PDGFD: variants seen among roughly 807,000 people sequenced by gnomAD.
The protein encoded by PDGFD is platelet-derived growth factor D.
In PDGFD, 30 loss-of-function variants were observed where a neutral mutation model predicts 44.7. The observed-to-expected ratio is 0.67, with a 90% CI of 0.50 to 0.91. PDGFD has a LOEUF of 0.91. Among genes scored for constraint, PDGFD ranks in the 40% least tolerant of loss-of-function variants. The probability of loss-of-function intolerance (pLI) is 0.00; values close to 1 mark genes in which losing one functional copy is unlikely to be tolerated. For missense variants in PDGFD, 445 were observed against 457.8 expected, an observed-to-expected ratio of 0.97 and a Z score of 0.25; for synonymous variants, 173 against 168.4, an observed-to-expected ratio of 1.03 and a Z score of -0.21.
chr11:104,065,066 T>C (rs570213779), intron 1 of PDGFD, among the ~76,000 whole-genome samples: 3 of 152,260 alleles, frequency 2.0e-5, no homozygotes, highest in South Asian at 2.1e-4. Context: ...CAGAAGAACG[T>C]TGAGAGAATC....
chr11:104,000,395 A>C (rs1859602484), intron 1 of PDGFD, 140 bp from the exon 2 acceptor site: 1 of 732,432 alleles, frequency 1.4e-6, no homozygotes, highest in Non-Finnish European at 2.2e-6. Flanking sequence ...AATGCAAATA[A>C]ACAAACTTTT....
intron 3 of PDGFD, among the ~76,000 whole-genome samples, chr11:103,958,098 C>T (rs1473499514): frequency 3.3e-5 from 5 of 151,906 alleles, no homozygotes; most frequent in East Asian, 3.9e-4. Context: ...ACGCCTGCCA[C>T]TTATGGAGCA....
At chr11:104,061,797 G>A (rs531020213) in intron 1 of PDGFD, among the ~76,000 whole-genome samples, 3 of 152,086 alleles carry the variant, frequency 2.0e-5, no homozygotes, top group African/African-American at 4.8e-5. Flanking sequence ...TAGTAGAGAC[G>A]GGGCTTGGCC....
chr11:104,035,687 C>A (rs1860219765), intron 1 of PDGFD, among the ~76,000 whole-genome samples: 1 of 151,238 alleles, frequency 6.6e-6, no homozygotes, highest in Non-Finnish European at 1.5e-5. Context: ...GCTTCATATC[C>A]TGGTATTCAA....
At chr11:104,109,829 A>C (rs1246796029) in intron 1 of PDGFD, among the ~76,000 whole-genome samples, 1 of 152,150 alleles carries the variant, frequency 6.6e-6, no homozygotes, top group East Asian at 1.9e-4. Context: ...TTTTCAATAT[A>C]GCAGAGTGCA....
intron 5 of PDGFD, among the ~76,000 whole-genome samples, chr11:103,940,602 A>T (rs553761679): frequency 6.6e-6 from 1 of 152,244 alleles, no homozygotes; most frequent in African/African-American, 2.4e-5. Flanking sequence ...ACAAGCCATG[A>T]ATTTGTATTT....
intron 3 of PDGFD, among the ~76,000 whole-genome samples, chr11:103,976,747 T>G (rs1859191303): frequency 6.6e-6 from 1 of 151,582 alleles, no homozygotes; most frequent in South Asian, 2.1e-4. Context: ...TTATTGAGAG[T>G]TTTTAGCATG....
chr11:104,082,480 T>C (rs1195210506), intron 1 of PDGFD, among the ~76,000 whole-genome samples: 2 of 152,054 alleles, frequency 1.3e-5, no homozygotes, highest in Non-Finnish European at 2.9e-5. Flanking sequence ...ATTTTTTTCT[T>C]TATAGTTGGC....
chr11:103,911,771 A>G (rs573956740), intron 6 of PDGFD, among the ~76,000 whole-genome samples: 5 of 152,192 alleles, frequency 3.3e-5, no homozygotes, highest in Non-Finnish European at 4.4e-5. Flanking sequence ...TAATCAGTGT[A>G]GAGAAGAACA....
chr11:104,019,219 C>T (rs1023357082), intron 1 of PDGFD, among the ~76,000 whole-genome samples: 4 of 152,144 alleles, frequency 2.6e-5, no homozygotes, highest in Non-Finnish European at 1.5e-5. Flanking sequence ...TTGTTCAATA[C>T]TGTATGTCCA....
intron 1 of PDGFD, among the ~76,000 whole-genome samples, chr11:104,073,371 C>T (rs1438769856): frequency 3.9e-5 from 6 of 152,066 alleles, no homozygotes; most frequent in Admixed American, 3.9e-4. Context: ...AGCAGACAGT[C>T]TTCATGGTAT....
chr11:104,105,463 C>A (rs1350118044), intron 1 of PDGFD, among the ~76,000 whole-genome samples: 2 of 152,016 alleles, frequency 1.3e-5, no homozygotes, highest in South Asian at 2.1e-4. Context: ...AAAAAATAAA[C>A]CATGTTTACA....
chr11:104,146,872 A>T (rs539124538), intron 1 of PDGFD, among the ~76,000 whole-genome samples: 1 of 152,246 alleles, frequency 6.6e-6, no homozygotes, highest in East Asian at 1.9e-4. Flanking sequence ...AGGGAATAAA[A>T]CAGACAAAAT....
intron 1 of PDGFD, among the ~76,000 whole-genome samples, chr11:104,079,581 G>A (rs1370620247): frequency 2.0e-5 from 3 of 152,036 alleles, no homozygotes; most frequent in African/African-American, 7.2e-5. Flanking sequence ...TAGAGATGGG[G>A]TTTCACTATG....
chr11:104,017,435 G>T (rs529192595), intron 1 of PDGFD, among the ~76,000 whole-genome samples: 1 of 152,140 alleles, frequency 6.6e-6, no homozygotes, highest in South Asian at 2.1e-4. Context: ...ATCCATTGCA[G>T]AATGAGTCAC....
chr11:104,146,356 T>C (rs10895590), intron 1 of PDGFD, among the ~76,000 whole-genome samples: 36,158 of 152,082 alleles, frequency 0.24, 4,351 homozygotes, highest in East Asian at 0.34. Flanking sequence ...AGCAACACAA[T>C]TGCCATGGAC....
chr11:103,946,991 T>C (rs1300594745), intron 4 of PDGFD, among the ~76,000 whole-genome samples: 2 of 152,226 alleles, frequency 1.3e-5, no homozygotes, highest in Admixed American at 6.5e-5. Flanking sequence ...CTTGACCTTT[T>C]AGTAAACAAC....
intron 1 of PDGFD, among the ~76,000 whole-genome samples, chr11:104,060,963 C>G (rs1014461526): frequency 5.9e-5 from 9 of 152,138 alleles, no homozygotes; most frequent in Admixed American, 2.6e-4. Flanking sequence ...TTTTTCATCA[C>G]TTCAAACAGA....
At chr11:103,983,487 A>G (rs1031659448) in intron 3 of PDGFD, among the ~76,000 whole-genome samples, 1 of 150,602 alleles carries the variant, frequency 6.6e-6, no homozygotes, top group Non-Finnish European at 1.5e-5. Flanking sequence ...CTTAGGCAAT[A>G]CCATTCAGGA....
Sources: allele counts gnomAD v4.1 joint callset (sites outside exome capture counted in the v4.1 genomes callset), GRCh38; gene constraint gnomAD v4.1.1; transcripts MANE v1.5; gene names NCBI Gene and HGNC (gene_info 2026-07-23, HGNC 2026-07-21).